Variants in ZNF609 observed in about 807,000 individuals in gnomAD.
The protein encoded by ZNF609 is zinc finger protein 609.
A neutral mutation model predicts 109.5 loss-of-function variants in ZNF609; 11 were observed. The ratio of observed to expected loss-of-function variants is 0.10; its 90% confidence interval spans 0.06 to 0.17. The LOEUF is 0.17. Among genes scored for constraint, ZNF609 ranks in the 10% least tolerant of loss-of-function variants. The pLI, the probability that ZNF609 is intolerant of heterozygous loss-of-function variation, is 1.00. For missense variants in ZNF609, 1,559 were observed against 1,772.4 expected, an observed-to-expected ratio of 0.88 and a Z score of 2.16; for synonymous variants, 646 against 662.0, an observed-to-expected ratio of 0.98 and a Z score of 0.37.
At chr15:64,647,920 G>T (rs1171126729) in intron 3 of ZNF609, among the ~76,000 whole-genome samples, 1 of 151,788 alleles carries the variant, frequency 6.6e-6, no homozygotes, top group Non-Finnish European at 1.5e-5. Flanking sequence ...TTTTCTTTTT[G>T]CTTCTTCCAC....
intron 2 of ZNF609, chr15:64,502,379 G>T (rs1370738027): frequency 6.6e-6 from 1 of 152,168 alleles, no homozygotes; most frequent in Non-Finnish European, 1.5e-5. Flanking sequence ...TCTGGACTGG[G>T]AGGAGCAGAA....
chr15:64,603,351 A>G (rs1213239311), intron 2 of ZNF609, among the ~76,000 whole-genome samples: 1 of 149,616 alleles, frequency 6.7e-6, no homozygotes, highest in Non-Finnish European at 1.5e-5. Context: ...GCTCACTGCA[A>G]CCTCCACCTC....
intron 2 of ZNF609, among the ~76,000 whole-genome samples, chr15:64,599,168 GTTTTTTTTTTT>G (rs556122154): frequency 8.6e-5 from 4 of 46,498 alleles, no homozygotes; most frequent in Non-Finnish European, 1.3e-4. Context: ...TTTTGTGGTG[GTTTTTTTTTTT>G]TTTTTTTTTT....
chr15:64,597,065 C>G (rs889058372), intron 2 of ZNF609, among the ~76,000 whole-genome samples: 1 of 152,074 alleles, frequency 6.6e-6, no homozygotes, highest in South Asian at 2.1e-4. Flanking sequence ...GACCAGATTC[C>G]TGACACTTAA....
chr15:64,551,354 A>T (rs1894468134), intron 2 of ZNF609, among the ~76,000 whole-genome samples: 1 of 152,140 alleles, frequency 6.6e-6, no homozygotes, highest in Non-Finnish European at 1.5e-5. Context: ...AGCATAAAGG[A>T]TTTAGAAAAG....
chr15:64,462,389 T>G (rs772760437), intron 1 of ZNF609, among the ~76,000 whole-genome samples: 2 of 152,236 alleles, frequency 1.3e-5, no homozygotes, highest in Non-Finnish European at 2.9e-5. Flanking sequence ...TGAATCATCA[T>G]ATTTAATTCT....
At chr15:64,467,831 A>G (rs1018999505) in intron 1 of ZNF609, among the ~76,000 whole-genome samples, 5 of 152,186 alleles carry the variant, frequency 3.3e-5, no homozygotes, top group Non-Finnish European at 7.4e-5. Context: ...GCAACAGAGC[A>G]AGGCTCTGTC....
chr15:64,477,655 G>A (rs1383109153), intron 1 of ZNF609, among the ~76,000 whole-genome samples: 1 of 145,630 alleles, frequency 6.9e-6, no homozygotes, highest in Non-Finnish European at 1.5e-5. Context: ...TTGAAACAGA[G>A]TCTCGCTCTG....
intron 2 of ZNF609, among the ~76,000 whole-genome samples, chr15:64,522,330 ATGT>A (rs1893903832): frequency 6.6e-6 from 1 of 152,242 alleles, no homozygotes; most frequent in African/African-American, 2.4e-5. Context: ...AATTTCTTTA[ATGT>A]TGTGGAACTG....
chr15:64,644,544 A>C (rs1402076626), intron 3 of ZNF609, among the ~76,000 whole-genome samples: 2 of 152,188 alleles, frequency 1.3e-5, no homozygotes, highest in Admixed American at 1.3e-4. Context: ...AAAATATAAC[A>C]GATGATGGAT....
chr15:64,638,034 C>CATATAT lies in ZNF609; in HGVS notation c.973+14991_973+14996dup, dbSNP rs35928856. On this transcript the variant is annotated intron_variant, in intron 3 of 9. Transcript: ENST00000326648. ...TATATATAAAATATATATAAAAATA[C>CATATAT]ATATATATATATATGTATTTACATC... Among the ~76,000 whole-genome samples the CATATAT allele has an allele frequency of 7.9e-3, 1,055 of 133,924 alleles. 17 individuals are homozygous for CATATAT. The highest frequency in any genetic ancestry group is 0.027 in the African/African-American group (1,008 of 37,490). 87.9% of individuals were successfully genotyped at this position (133,924 alleles called of 152,430 possible).
intron 2 of ZNF609, among the ~76,000 whole-genome samples, chr15:64,600,050 C>T (rs1191829195): frequency 6.6e-6 from 1 of 152,074 alleles, no homozygotes; most frequent in Non-Finnish European, 1.5e-5. Flanking sequence ...TGGCCAGGCA[C>T]GGTGGCTCAT....
At chr15:64,661,020 G>A (rs1432420434) in intron 3 of ZNF609, among the ~76,000 whole-genome samples, 5 of 152,068 alleles carry the variant, frequency 3.3e-5, no homozygotes, top group African/African-American at 9.7e-5. Flanking sequence ...GTGCAGTGGC[G>A]TGATGTGGAC....
At chr15:64,670,779 G>A (rs1001022044) in intron 4 of ZNF609, among the ~76,000 whole-genome samples, 1 of 151,244 alleles carries the variant, frequency 6.6e-6, no homozygotes, top group Non-Finnish European at 1.5e-5. Flanking sequence ...TTGAGAGGGT[G>A]AGGCAGGAGA....
intron 3 of ZNF609, 51 bp from the exon 4 acceptor site, chr15:64,670,295 A>G: frequency 6.9e-7 from 1 of 1,448,116 alleles, no homozygotes; most frequent in African/African-American, 1.4e-5. Context: ...TACTATTCTC[A>G]GTGGCAAATG....
chr15:64,534,561 CACCTTG>C (rs1391962607), intron 2 of ZNF609, among the ~76,000 whole-genome samples: 4 of 152,018 alleles, frequency 2.6e-5, no homozygotes, highest in Non-Finnish European at 5.9e-5. Flanking sequence ...GTGATCTGCC[CACCTTG>C]GCCTCCCAAA....
intron 2 of ZNF609, among the ~76,000 whole-genome samples, chr15:64,525,073 T>C (rs1429513064): frequency 1.3e-5 from 2 of 152,234 alleles, no homozygotes; most frequent in Non-Finnish European, 2.9e-5. Context: ...TGACTAATGA[T>C]TCAGAACATC....
At chr15:64,624,756 G>A (rs1333479937) in intron 3 of ZNF609, among the ~76,000 whole-genome samples, 1 of 120,666 alleles carries the variant, frequency 8.3e-6, no homozygotes, top group African/African-American at 2.8e-5. Flanking sequence ...CCCCTGTTAC[G>A]TACACTTTTT....
chr15:64,607,895 C>T (rs142253826), intron 2 of ZNF609, among the ~76,000 whole-genome samples: 80 of 12,214 alleles, frequency 6.5e-3, no homozygotes, highest in East Asian at 0.014. Flanking sequence ...TCTTTTCTTT[C>T]TTTTTTTTTT....
Sources: allele counts gnomAD v4.1 joint callset (sites outside exome capture counted in the v4.1 genomes callset), GRCh38; gene constraint gnomAD v4.1.1; transcripts MANE v1.5; gene names NCBI Gene and HGNC (gene_info 2026-07-23, HGNC 2026-07-21).